ARHGAP42: variants seen among roughly 807,000 people sequenced by gnomAD.
ARHGAP42 encodes the protein Rho GTPase activating protein 42.
A neutral mutation model predicts 125.0 loss-of-function variants in ARHGAP42; 63 were observed. The ratio of observed to expected loss-of-function variants is 0.50; its 90% CI spans 0.41 to 0.62. ARHGAP42 has a LOEUF of 0.62. Among genes scored for constraint, ARHGAP42 ranks in the 20% least tolerant of loss-of-function variants. The pLI is 0.00. For missense variants in ARHGAP42, 766 were observed against 1,024.2 expected (o/e 0.75, Z 3.44); for synonymous variants, 339 against 351.0 (o/e 0.97, Z 0.38).
chr11:100,722,273 C>G (rs1302128394), intron 1 of ARHGAP42, among the ~76,000 whole-genome samples: 4 of 151,834 alleles, frequency 2.6e-5, no homozygotes, highest in African/African-American at 9.7e-5. Flanking sequence ...AGATCTTTTG[C>G]CTTTTTTATA....
intron 3 of ARHGAP42, among the ~76,000 whole-genome samples, chr11:100,800,760 A>G (rs1350946132): frequency 6.7e-6 from 1 of 148,816 alleles, no homozygotes; most frequent in East Asian, 1.9e-4. Flanking sequence ...GGTCTGAAAT[A>G]AAGAATGTGC....
chr11:100,910,183 T>C (rs1866870417), intron 4 of ARHGAP42, among the ~76,000 whole-genome samples: 1 of 152,182 alleles, frequency 6.6e-6, no homozygotes, highest in African/African-American at 2.4e-5. Flanking sequence ...TTTTATTTAT[T>C]TAGACAGTAG....
At chr11:100,715,782 T>G (rs926694326) in intron 1 of ARHGAP42, among the ~76,000 whole-genome samples, 3 of 152,236 alleles carry the variant, frequency 2.0e-5, no homozygotes, top group African/African-American at 7.2e-5. Flanking sequence ...ACTGGTGCAC[T>G]GTATTCTACT....
intron 2 of ARHGAP42, among the ~76,000 whole-genome samples, chr11:100,777,451 A>G (rs1863159058): frequency 6.6e-6 from 1 of 152,192 alleles, no homozygotes; most frequent in Non-Finnish European, 1.5e-5. Flanking sequence ...TTTCTTTGTT[A>G]GAAGAGTGAC....
intron 2 of ARHGAP42, among the ~76,000 whole-genome samples, chr11:100,785,212 G>C (rs1863404327): frequency 6.6e-6 from 1 of 151,966 alleles, no homozygotes; most frequent in Non-Finnish European, 1.5e-5. Context: ...AGAGGACGAG[G>C]GCCCCTTTTC....
chr11:100,915,291 C>T (rs1867033076), intron 5 of ARHGAP42, among the ~76,000 whole-genome samples: 1 of 152,070 alleles, frequency 6.6e-6, no homozygotes, highest in African/African-American at 2.4e-5. Flanking sequence ...TAATACATTG[C>T]ACTAGAATAA....
intron 1 of ARHGAP42, among the ~76,000 whole-genome samples, chr11:100,728,062 A>AAC (rs1461795011): frequency 6.6e-6 from 1 of 152,138 alleles, no homozygotes; most frequent in Admixed American, 6.5e-5. Flanking sequence ...GAAAGGAAAA[A>AAC]ACTTGACACC....
rs1420092518 is a variant in ARHGAP42, at chr11:100,921,239, ATATATATTTTTTTTTTTTT to A, written c.487-253_487-235del. Among the ~76,000 whole-genome samples the A allele has an allele frequency of 1.7e-3, 45 of 26,568 alleles. No homozygotes were observed. In the East Asian group the frequency reaches 0.024, roughly 14 times the overall value. The allele number at this position is 26,568 out of a possible 152,430, so 17.4% of individuals were successfully genotyped here. A position where few individuals can be genotyped will look rare whatever the true frequency, so the allele number is the denominator to read the frequency against. On this transcript the variant is annotated intron_variant, in intron 5 of 23. Coordinates refer to ENST00000298815, the MANE Select transcript of ARHGAP42 (RefSeq NM_152432.4). ...CATATATATATATATATATATATATATATATATTTTTTTTTTTTTTTTTTTTTTTTTTTTACTGCAATGG... is the reference window on the plus strand; with the variant it reads ...CATATATATATATATATATATATATATTTTTTTTTTTTTTTACTGCAATGG...
intron 23 of ARHGAP42, among the ~76,000 whole-genome samples, chr11:100,987,845 A>G (rs1858724197): frequency 6.7e-6 from 1 of 148,434 alleles, no homozygotes; most frequent in Non-Finnish European, 1.5e-5. Context: ...AAATAAATAA[A>G]TAGGCCAGGC....
intron 1 of ARHGAP42, among the ~76,000 whole-genome samples, chr11:100,695,904 A>G (rs1428793697): frequency 1.3e-5 from 2 of 152,174 alleles, no homozygotes; most frequent in Non-Finnish European, 2.9e-5. Context: ...TAATTTTTAC[A>G]TGGAATATAG....
At chr11:100,783,581 G>C (rs967648589) in intron 2 of ARHGAP42, among the ~76,000 whole-genome samples, 3 of 152,206 alleles carry the variant, frequency 2.0e-5, no homozygotes, top group African/African-American at 7.2e-5. Context: ...TGCCAGTACA[G>C]CCACGAAAGC....
At chr11:100,771,479 A>G (rs571363715) in intron 2 of ARHGAP42, among the ~76,000 whole-genome samples, 135 of 152,298 alleles carry the variant, frequency 8.9e-4, no homozygotes, top group Non-Finnish European at 1.5e-3. Context: ...TAAAATATTT[A>G]TGTATATTTT....
At chr11:100,906,369 A>G (rs770390016) in intron 4 of ARHGAP42, among the ~76,000 whole-genome samples, 2 of 152,198 alleles carry the variant, frequency 1.3e-5, no homozygotes, top group Non-Finnish European at 2.9e-5. Context: ...TTTGAAGGCT[A>G]TGGATTTTGG....
At chr11:100,965,981 T>G (rs1031494331) in intron 17 of ARHGAP42, among the ~76,000 whole-genome samples, 18 of 152,204 alleles carry the variant, frequency 1.2e-4, no homozygotes, top group Non-Finnish European at 2.1e-4. Flanking sequence ...CATATAATTA[T>G]GCAAATAATT....
chr11:100,729,523 C>A (rs1861918572), intron 1 of ARHGAP42, among the ~76,000 whole-genome samples: 3 of 152,026 alleles, frequency 2.0e-5, no homozygotes, highest in Admixed American at 6.6e-5. Context: ...TATTTCTAGT[C>A]TAAGAAGATA....
At chr11:100,774,887 T>G (rs1011454451) in intron 2 of ARHGAP42, among the ~76,000 whole-genome samples, 7 of 152,152 alleles carry the variant, frequency 4.6e-5, no homozygotes, top group African/African-American at 1.7e-4. Context: ...TGTTTTGTTT[T>G]GTTTTGCGCC....
intron 1 of ARHGAP42, among the ~76,000 whole-genome samples, chr11:100,751,823 A>G (rs1328210441): frequency 8.4e-6 from 1 of 119,256 alleles, no homozygotes; most frequent in Non-Finnish European, 1.6e-5. Flanking sequence ...TTTGTCGCCC[A>G]GGCTGGAGTG....
chr11:100,772,877 C>T (rs1019879173), intron 2 of ARHGAP42, among the ~76,000 whole-genome samples: 1 of 152,232 alleles, frequency 6.6e-6, no homozygotes, highest in African/African-American at 2.4e-5. Flanking sequence ...TGCTCTGTCA[C>T]CTAGGCTGGA....
intron 1 of ARHGAP42, among the ~76,000 whole-genome samples, chr11:100,717,656 A>AAAAG (rs1487971145): frequency 6.7e-6 from 1 of 150,154 alleles, no homozygotes; most frequent in Admixed American, 6.6e-5. Flanking sequence ...AAAAAAAAAA[A>AAAAG]AGATTCCATA....
Sources: gnomAD v4.1 joint callset for allele counts (sites outside exome capture counted in the v4.1 genomes callset) on GRCh38, gnomAD v4.1.1 for gene constraint, MANE v1.5 for transcripts, NCBI Gene and HGNC (gene_info 2026-07-23, HGNC 2026-07-21) for gene names.